ENTPD1: variants seen among roughly 807,000 people sequenced by gnomAD.
ENTPD1 encodes ATP diphosphohydrolase.
In ENTPD1, 33 loss-of-function variants were observed where a neutral mutation model predicts 57.0. The observed-to-expected ratio is 0.58, with a 90% CI of 0.44 to 0.77. The LOEUF is 0.77. Ranked by LOEUF, ENTPD1 falls within the 30% of genes least tolerant of loss-of-function variation. ENTPD1 has a pLI of 0.00. For missense variants in ENTPD1, 501 were observed against 603.4 expected (o/e 0.83, Z 1.78); for synonymous variants, 202 against 218.8 (o/e 0.92, Z 0.68).
At chr10:95,853,860 C>G (rs1411660111) in intron 7 of ENTPD1, among the ~76,000 whole-genome samples, 2 of 152,130 alleles carry the variant, frequency 1.3e-5, no homozygotes, top group African/African-American at 4.8e-5. Context: ...ATTTTTGCAT[C>G]AATGTTCATC....
rs1354018493 is a variant in ENTPD1 at position 95,871,245 on chromosome 10, T to C, written c.*4862T>C. 1.0e-6 allele frequency: 1 copy of C among 985,032 alleles called. No homozygotes were observed. Among genetic ancestry groups the C allele is most frequent in the Non-Finnish European group, 1.2e-6 (1 of 829,646 alleles). The allele number at this position is 985,032 out of a possible 1,614,324, so 61.0% of individuals were successfully genotyped here. On this transcript the variant is annotated 3_prime_UTR_variant, in exon 10 of 10. Coordinates refer to ENST00000371205, the MANE Select transcript of ENTPD1 (RefSeq NM_001776.6). ...TTAAATGCGATTATTTAATATACAA[T>C]GTCTTATTAACTGAAATATAAAATG... is the stretch of plus-strand genomic sequence containing the variant.
At chr10:95,723,392 G>T (rs1187476214) in intron 1 of ENTPD1, among the ~76,000 whole-genome samples, 1 of 151,982 alleles carries the variant, frequency 6.6e-6, no homozygotes, top group Non-Finnish European at 1.5e-5. Flanking sequence ...TGGGGAATGG[G>T]TCTCACATAA....
Position 95,871,722 on chromosome 10 carries a change from T to A in ENTPD1, c.*5339T>A. ...TTGACACTATAATCAACTGACACCA[T>A]GATCAGTGATGATGATCACCCTCAT... On this transcript the variant is annotated 3_prime_UTR_variant, in exon 10 of 10. Transcript: ENST00000371205. The A allele has an allele frequency of 1.0e-6, 1 of 985,380 alleles. No homozygotes were observed. The highest frequency in any genetic ancestry group is 4.7e-5 in the South Asian group (1 of 21,294). The allele number at this position is 985,380 out of a possible 1,614,324, so 61.0% of individuals were successfully genotyped here.
intron 2 of ENTPD1, among the ~76,000 whole-genome samples, chr10:95,828,679 G>T (rs2098386352): frequency 6.6e-6 from 1 of 150,768 alleles, no homozygotes; most frequent in Admixed American, 6.6e-5. Context: ...TTCTTCCCGT[G>T]AATACTGTGA....
chr10:95,701,204 T>G, the ENTPD1 span, among the ~76,000 whole-genome samples: 2 of 152,190 alleles, frequency 1.3e-5, no homozygotes, highest in Non-Finnish European at 2.9e-5. Flanking sequence ...GCCTATAATT[T>G]CAGCTACTCA....
chr10:95,859,261 C>T (rs1258418882), intron 7 of ENTPD1, among the ~76,000 whole-genome samples: 1 of 152,174 alleles, frequency 6.6e-6, no homozygotes, highest in Non-Finnish European at 1.5e-5. Context: ...GATATTTTTC[C>T]TCATCTCTGA....
intron 8 of ENTPD1, among the ~76,000 whole-genome samples, chr10:95,862,924 C>A (rs2098467679): frequency 6.6e-6 from 1 of 152,056 alleles, no homozygotes; most frequent in South Asian, 2.1e-4. Flanking sequence ...AAGAGGATAT[C>A]CATGAAGAGA....
intron 7 of ENTPD1, among the ~76,000 whole-genome samples, chr10:95,858,415 T>C (rs2098459410): frequency 6.6e-6 from 1 of 152,130 alleles, no homozygotes; most frequent in Non-Finnish European, 1.5e-5. Context: ...ATTTTTATTC[T>C]AAGTATAATT....
chr10:95,801,885 T>C (rs149060699), intron 1 of ENTPD1, among the ~76,000 whole-genome samples: 5,136 of 152,338 alleles, frequency 0.034, 119 homozygotes, highest in Non-Finnish European at 0.049. Flanking sequence ...GGTAGTTTAA[T>C]AGGAATAGCA....
In ENTPD1 at chr10:95,873,962, C is replaced by T. The variant is rs1308589809; in HGVS notation, c.*7579C>T. 1.3e-5 allele frequency among the ~76,000 whole-genome samples: 2 copies of T among 152,166 alleles called. No individual in the cohort carries two copies. Among genetic ancestry groups the T allele is most frequent in the Non-Finnish European group, 2.9e-5 (2 of 68,024 alleles). On this transcript the variant is annotated 3_prime_UTR_variant, in exon 10 of 10. Transcript: ENST00000371205. ...ACTGGCCTCCATGATTCAATTACCT[C>T]CCACTGCGTCCCTCCCACAACATGT...
At chr10:95,762,595 GTTTAT>G (rs2098070233) in intron 1 of ENTPD1, among the ~76,000 whole-genome samples, 1 of 152,100 alleles carries the variant, frequency 6.6e-6, no homozygotes, top group Non-Finnish European at 1.5e-5. Context: ...TAGTCACATA[GTTTAT>G]TTAACAGTTC....
chr10:95,760,618 C>G (rs763775222), intron 1 of ENTPD1, among the ~76,000 whole-genome samples: 7 of 151,996 alleles, frequency 4.6e-5, no homozygotes, highest in Non-Finnish European at 1.0e-4. Context: ...ATTGGTATTG[C>G]CTTTACTTGG....
chr10:95,817,015 A>G (rs2098332167), intron 1 of ENTPD1, among the ~76,000 whole-genome samples: 1 of 152,190 alleles, frequency 6.6e-6, no homozygotes, highest in East Asian at 1.9e-4. Flanking sequence ...TGTGACTCCC[A>G]TTCTGCCCAT....
At chr10:95,740,054 A>G (rs1411492302) in intron 1 of ENTPD1, among the ~76,000 whole-genome samples, 1 of 152,150 alleles carries the variant, frequency 6.6e-6, no homozygotes, top group Non-Finnish European at 1.5e-5. Context: ...TATTCAGTAA[A>G]CCATGCTGTA....
At chr10:95,855,714 A>G (rs1277556666) in intron 7 of ENTPD1, among the ~76,000 whole-genome samples, 1 of 152,210 alleles carries the variant, frequency 6.6e-6, no homozygotes, top group Non-Finnish European at 1.5e-5. Flanking sequence ...TTGGCTGGAC[A>G]TGAAATTCTG....
At position 95,874,895 on chromosome 10, in the gene ENTPD1, C is replaced by A. The variant is rs767795780; in HGVS notation, c.*8512C>A. On this transcript the variant is annotated 3_prime_UTR_variant, in exon 10 of 10. Transcript: ENST00000371205. ...CCACAGCCCAAGCTCTATGTTGGCT[C>A]CTTTCAGCCATGGCTGGAGCAGCTG... is the stretch of plus-strand genomic sequence containing the variant. Among the ~76,000 whole-genome samples the A allele has an allele frequency of 1.2e-4, 18 of 152,230 alleles. No homozygotes were observed. The highest frequency in any genetic ancestry group is 2.2e-4 in the Non-Finnish European group (15 of 68,040).
At chr10:95,753,218 G>A (rs377671613), upstream of ENTPD1, 8 of 151,926 alleles carry the variant, frequency 5.3e-5, no homozygotes, top group South Asian at 1.7e-3. Flanking sequence ...TGAGAAAGAC[G>A]ATTTATTTTT....
intron 2 of ENTPD1, among the ~76,000 whole-genome samples, chr10:95,829,209 AAAC>A (rs1454752448): frequency 6.6e-6 from 1 of 152,228 alleles, no homozygotes; most frequent in Non-Finnish European, 1.5e-5. Flanking sequence ...GATTCCAAGG[AAAC>A]AAGGAAGAAG....
upstream of ENTPD1, chr10:95,755,623 C>T: frequency 7.0e-7 from 1 of 1,424,216 alleles, no homozygotes; most frequent in Non-Finnish European, 9.5e-7. Flanking sequence ...AACGCAGCGT[C>T]TCCTGCAGGA....
Sources: allele counts gnomAD v4.1 joint callset (sites outside exome capture counted in the v4.1 genomes callset), GRCh38; gene constraint gnomAD v4.1.1; transcripts MANE v1.5; gene names NCBI Gene and HGNC (gene_info 2026-07-23, HGNC 2026-07-21).